The following GLIS3 variants were observed in gnomAD, a reference collection of about 807,000 sequenced individuals.
GLIS3 encodes zinc finger protein GLIS3.
A neutral mutation model predicts 78.6 loss-of-function variants in GLIS3; 53 were observed. The ratio of observed to expected loss-of-function variants is 0.67; its 90% CI spans 0.54 to 0.85. The LOEUF (loss-of-function observed/expected upper bound fraction) is 0.85, where lower values mean the gene tolerates loss of function less well. GLIS3 is among the 40% of genes least tolerant of loss of function. The pLI is 0.00. For missense variants in GLIS3, 1,703 were observed against 1,231.1 expected (o/e 1.38, Z -5.74); for synonymous variants, 684 against 509.9 (o/e 1.34, Z -4.60).
chr9:4,222,534 C>A lies in GLIS3; in HGVS notation c.388+63504G>T, dbSNP rs140042203. On this transcript the variant is annotated intron_variant, in intron 2 of 10. Transcript: ENST00000381971. ...CTACAATAAACATAAATAGACCCAGCCAAGACTTTGCTTAACCCCATGGTA... is the reference window on the plus strand; with the variant it reads ...CTACAATAAACATAAATAGACCCAGACAAGACTTTGCTTAACCCCATGGTA... 5.5e-4 allele frequency among the ~76,000 whole-genome samples: 84 copies of A among 152,312 alleles called. 4 individuals carry two copies. The East Asian group carries it at 0.016, about 28-fold the overall frequency.
Position 3,862,522 on chromosome 9 carries a change from T to G in GLIS3, c.2298-6338A>C, listed in dbSNP as rs529534430. Among the ~76,000 whole-genome samples, 2 of 152,298 alleles carry G rather than the reference T, an allele frequency of 1.3e-5. 1 individual carries two copies. Among genetic ancestry groups the G allele is most frequent in the East Asian group, 3.9e-4 (2 of 5,178 alleles). On this transcript the variant is annotated intron_variant, in intron 8 of 10. Coordinates refer to ENST00000381971, the MANE Select transcript of GLIS3 (RefSeq NM_001042413.2). ...AAGTATTTCTTTGTCAATGTACACATTTATTTCTTTAACAAAATTTACTAA... is the reference window on the plus strand; with the variant it reads ...AAGTATTTCTTTGTCAATGTACACAGTTATTTCTTTAACAAAATTTACTAA...
chr9:3,850,482 C>T (rs963999150), intron 9 of GLIS3, among the ~76,000 whole-genome samples: 1 of 152,234 alleles, frequency 6.6e-6, no homozygotes, highest in Non-Finnish European at 1.5e-5. Context: ...ATCCTGACAT[C>T]ATTCCCCTAT....
intron 9 of GLIS3, among the ~76,000 whole-genome samples, chr9:3,852,241 T>C (rs754964891): frequency 2.6e-5 from 4 of 152,228 alleles, no homozygotes; most frequent in African/African-American, 7.2e-5. Flanking sequence ...AGACATTTTA[T>C]ATTCTTATTT....
the GLIS3 span, among the ~76,000 whole-genome samples, chr9:4,489,726 T>A: frequency 6.6e-6 from 1 of 152,302 alleles, no homozygotes; most frequent in South Asian, 2.1e-4. Flanking sequence ...TTCTCAGTTC[T>A]AATCACTGCC....
At chr9:3,895,362 T>C (rs2130575955) in intron 7 of GLIS3, among the ~76,000 whole-genome samples, 1 of 152,334 alleles carries the variant, frequency 6.6e-6, no homozygotes, top group African/African-American at 2.4e-5. Context: ...GAGCCATCCT[T>C]GAGGCCTGCT....
intron 7 of GLIS3, among the ~76,000 whole-genome samples, chr9:3,895,481 A>C (rs938777039): frequency 6.6e-6 from 1 of 152,082 alleles, no homozygotes; most frequent in African/African-American, 2.4e-5. Context: ...ACAAGTAAAC[A>C]CCTTAATTTT....
intron 2 of GLIS3, among the ~76,000 whole-genome samples, chr9:4,253,315 G>T (rs1307212631): frequency 2.0e-5 from 3 of 152,256 alleles, no homozygotes; most frequent in African/African-American, 7.2e-5. Context: ...CCAGAGAGGG[G>T]GAATCTACAG....
At chr9:4,277,635 C>G (rs1213646682) in intron 2 of GLIS3, among the ~76,000 whole-genome samples, 1 of 152,124 alleles carries the variant, frequency 6.6e-6, no homozygotes, top group African/African-American at 2.4e-5. Context: ...CCCTTTGTCT[C>G]CAAGGACAGC....
In GLIS3 at chr9:4,189,782, T is replaced by A. The variant is rs537890130; in HGVS notation, c.389-63841A>T. ...TTTGTCTCTTTTGATCTTTGCTGGT[T>A]TAAAGTCTGTTTTATCAGAGACTAG... On this transcript the variant is annotated intron_variant, in intron 2 of 10. Transcript: ENST00000381971. Among the ~76,000 whole-genome samples, 6 of 152,292 alleles carry A rather than the reference T, an allele frequency of 3.9e-5. No homozygotes were observed. The East Asian group carries it at 9.6e-4, about 24-fold the overall frequency.
chr9:4,215,833 G>C (rs1433773051), intron 2 of GLIS3, among the ~76,000 whole-genome samples: 1 of 152,230 alleles, frequency 6.6e-6, no homozygotes, highest in East Asian at 1.9e-4. Flanking sequence ...GTTGGTGTTT[G>C]CCTGCCTTTA....
At chr9:3,863,997 T>C (rs1388554120) in intron 8 of GLIS3, among the ~76,000 whole-genome samples, 17 of 152,178 alleles carry the variant, frequency 1.1e-4, no homozygotes, top group Admixed American at 1.1e-3. Context: ...GAATTGGCTG[T>C]GACTCAGTTG....
At chr9:3,875,958 C>G (rs1264762126) in intron 8 of GLIS3, among the ~76,000 whole-genome samples, 3 of 152,182 alleles carry the variant, frequency 2.0e-5, no homozygotes, top group Non-Finnish European at 4.4e-5. Flanking sequence ...CTGAATCACT[C>G]AGCTATGCCA....
At position 4,279,324 on chromosome 9, in the gene GLIS3, T is replaced by TACACACACAC. The variant is rs141790371; in HGVS notation, c.388+6704_388+6713dup. On this transcript the variant is annotated intron_variant, in intron 2 of 10. Transcript: ENST00000381971. ...AAAAAAAAAAAAAAAAATATATATA[T>TACACACACAC]ACACACACACACACACACACACACA... Among the ~76,000 whole-genome samples, 45 of 84,920 alleles carry TACACACACAC rather than the reference T, an allele frequency of 5.3e-4. 1 individual carries two copies. The highest frequency in any genetic ancestry group is 8.6e-4 in the Admixed American group (5 of 5,844). 55.7% of individuals were successfully genotyped at this position (84,920 alleles called of 152,430 possible).
At chr9:4,279,324 T>TATACACAC (rs1234969923) in intron 2 of GLIS3, among the ~76,000 whole-genome samples, 75 of 84,898 alleles carry the variant, frequency 8.8e-4, no homozygotes, top group African/African-American at 2.9e-3. Context: ...AATATATATA[T>TATACACAC]ACACACACAC....
chr9:4,212,058 C>T (rs1400851222), intron 2 of GLIS3, among the ~76,000 whole-genome samples: 2 of 152,160 alleles, frequency 1.3e-5, no homozygotes, highest in Admixed American at 6.5e-5. Flanking sequence ...AGGAATCTTA[C>T]TGGGATTCTA....
chr9:4,031,712 C>G (rs1479293427), intron 4 of GLIS3, among the ~76,000 whole-genome samples: 1 of 152,074 alleles, frequency 6.6e-6, no homozygotes, highest in Non-Finnish European at 1.5e-5. Flanking sequence ...AGACACTGCT[C>G]ATAGGTACCA....
chr9:4,453,484 GA>G, the GLIS3 span, among the ~76,000 whole-genome samples: 1 of 151,068 alleles, frequency 6.6e-6, no homozygotes, highest in Admixed American at 6.6e-5. Flanking sequence ...AAATTTACAA[GA>G]AAAAAACAAC....
At chr9:4,197,151 C>G (rs1331951404) in intron 2 of GLIS3, among the ~76,000 whole-genome samples, 1 of 152,160 alleles carries the variant, frequency 6.6e-6, no homozygotes, top group Admixed American at 6.5e-5. Context: ...GTGGGGCTCT[C>G]TGTGCTCCAC....
chr9:3,970,504 ATCT>A (rs760736679), intron 4 of GLIS3, among the ~76,000 whole-genome samples: 1 of 152,124 alleles, frequency 6.6e-6, no homozygotes, highest in Non-Finnish European at 1.5e-5. Context: ...TGCCATAGAC[ATCT>A]TCTTTAAAAA....
Sources: allele counts gnomAD v4.1 joint callset (sites outside exome capture counted in the v4.1 genomes callset), GRCh38; gene constraint gnomAD v4.1.1; transcripts MANE v1.5; gene names NCBI Gene and HGNC (gene_info 2026-07-23, HGNC 2026-07-21).